The following EPG5 variants were observed in gnomAD, a reference collection of about 807,000 sequenced individuals.
The protein encoded by EPG5 is ectopic P granules protein 5 homolog.
Under a neutral mutation model 302.7 loss-of-function variants are expected in EPG5, and 159 were observed. The observed-to-expected ratio is 0.53, with a 90% confidence interval of 0.46 to 0.60. The LOEUF (loss-of-function observed/expected upper bound fraction) is 0.60. Ranked by LOEUF, EPG5 falls within the 20% of genes least tolerant of loss-of-function variation. The pLI is 0.00. For synonymous variants in EPG5, 1,158 were observed against 1,136.8 expected, an observed-to-expected ratio of 1.02 and a Z score of -0.37; for missense variants, 2,896 against 3,092.4, an observed-to-expected ratio of 0.94 and a Z score of 1.51.
chr18:45,884,164 A>G (rs868588248), intron 30 of EPG5, among the ~76,000 whole-genome samples: 4 of 152,164 alleles, frequency 2.6e-5, no homozygotes, highest in African/African-American at 9.7e-5. Flanking sequence ...GTGGAATAAG[A>G]CTACCCTATA....
intron 13 of EPG5, among the ~76,000 whole-genome samples, chr18:45,926,552 C>T (rs1599587159): frequency 1.3e-5 from 2 of 152,160 alleles, no homozygotes; most frequent in African/African-American, 4.8e-5. Flanking sequence ...CTGGGCCAGG[C>T]ATGATGGCTC....
chr18:45,845,093 G>A (rs1326894208), downstream of EPG5, among the ~76,000 whole-genome samples: 1 of 152,196 alleles, frequency 6.6e-6, no homozygotes, highest in Non-Finnish European at 1.5e-5. Context: ...GACTCCAGGT[G>A]ATTCTTAAGC....
chr18:45,937,233 T>C (rs866470598), intron 10 of EPG5, among the ~76,000 whole-genome samples: 43 of 76,318 alleles, frequency 5.6e-4, no homozygotes, highest in Admixed American at 1.4e-3. Context: ...TATACATATA[T>C]ATACACACAC....
At chr18:45,883,643 T>TTTCAA (rs2049154686) in intron 30 of EPG5, among the ~76,000 whole-genome samples, 1 of 121,922 alleles carries the variant, frequency 8.2e-6, no homozygotes, top group South Asian at 2.6e-4. Flanking sequence ...TTTTTTTTTG[T>TTTCAA]ACAGACAGGG....
At position 45,934,868 on chromosome 18, in the gene EPG5, T is replaced by C; in HGVS notation, c.2198A>G (p.Glu733Gly). 6.2e-7 allele frequency: 1 copy of C among 1,614,216 alleles called. No individual in the cohort carries two copies. Among genetic ancestry groups the C allele is most frequent in the Non-Finnish European group, 8.5e-7 (1 of 1,180,034 alleles). Reference sequence around the variant, plus strand: ...GGAGGAGGAGAGCTGCTGCAGGTTCTCGCTCTCCACCTGGTGCATGAGGTA... The same window carrying C: ...GGAGGAGGAGAGCTGCTGCAGGTTCCCGCTCTCCACCTGGTGCATGAGGTA... ...LFYLMHQVES[E>G]NLQQLSSSLQ... The change falls in exon 11 of 44, where the codon GAG (glutamate) becomes GGG (glycine). Residue 733 changes from glutamate to glycine, a missense_variant. This residue lies in a region of EPG5 where 1,390 missense variants were observed against 1,430.0 expected (regional missense o/e 0.97). Transcript: ENST00000282041.
chr18:45,948,647 A>G, intron 5 of EPG5, 71 bp from the exon 6 acceptor site: 1 of 1,281,248 alleles, frequency 7.8e-7, no homozygotes. Flanking sequence ...TTGGTTCACA[A>G]GCATTCTGAC....
At chr18:45,964,085 T>C (rs1201497193) in intron 1 of EPG5, among the ~76,000 whole-genome samples, 6 of 152,222 alleles carry the variant, frequency 3.9e-5, no homozygotes, top group Admixed American at 3.9e-4. Context: ...AAAAAATTAA[T>C]GTATGTTTGT....
At chr18:45,947,635 G>A (rs1257928845) in intron 6 of EPG5, among the ~76,000 whole-genome samples, 6 of 151,968 alleles carry the variant, frequency 3.9e-5, no homozygotes, top group African/African-American at 4.8e-5. Context: ...ACCAGCTCCC[G>A]CACACACCTT....
chr18:45,837,186 A>G, the EPG5 span: 1 of 1,545,532 alleles, frequency 6.5e-7, no homozygotes, highest in South Asian at 1.2e-5. Flanking sequence ...TTTGATGGGG[A>G]AAAACTAAGG....
chr18:45,920,970 T>TA (rs2145747974), intron 16 of EPG5, among the ~76,000 whole-genome samples: 1 of 152,294 alleles, frequency 6.6e-6, no homozygotes, highest in South Asian at 2.1e-4. Context: ...TAGAGATACT[T>TA]AGAGAACTGG....
chr18:45,836,056 C>A, the EPG5 span, among the ~76,000 whole-genome samples: 2 of 152,294 alleles, frequency 1.3e-5, no homozygotes, highest in East Asian at 3.9e-4. Context: ...AATGTCCCGA[C>A]CTGTGATTAT....
chr18:45,849,904 G>A lies in EPG5; in HGVS notation c.*2563C>T, dbSNP rs750173572. On this transcript the variant is annotated 3_prime_UTR_variant, in exon 44 of 44. Coordinates refer to ENST00000282041, the MANE Select transcript of EPG5 (RefSeq NM_020964.3). ...ACAGTTGTGTAGACACATCTGGCAGGACCTCCCTCCCTCTATGTCTGGTGT... is the reference window on the plus strand; with the variant it reads ...ACAGTTGTGTAGACACATCTGGCAGAACCTCCCTCCCTCTATGTCTGGTGT... 2 of 152,204 alleles carry A rather than the reference G, an allele frequency of 1.3e-5. No homozygotes were observed. The highest frequency in any genetic ancestry group is 2.9e-5 in the Non-Finnish European group (2 of 68,046). The allele number at this position is 152,204 out of a possible 1,614,324, so 9.4% of individuals were successfully genotyped here. A position where few individuals can be genotyped will look rare whatever the true frequency, so the allele number is the denominator to read the frequency against.
At chr18:45,937,570 C>T (rs2050567741) in intron 10 of EPG5, among the ~76,000 whole-genome samples, 1 of 151,966 alleles carries the variant, frequency 6.6e-6, no homozygotes, top group African/African-American at 2.4e-5. Flanking sequence ...CCACGCCCAG[C>T]TAATTTTTGT....
At chr18:45,910,796 G>A in intron 22 of EPG5, 54 bp from the exon 23 acceptor site, 1 of 1,441,358 alleles carries the variant, frequency 6.9e-7, no homozygotes, top group Non-Finnish European at 9.6e-7. Context: ...TGTACTTTCT[G>A]TATGGCATAA....
chr18:45,964,845 C>T (rs1450951270), intron 1 of EPG5, among the ~76,000 whole-genome samples: 1 of 151,982 alleles, frequency 6.6e-6, no homozygotes, highest in Non-Finnish European at 1.5e-5. Flanking sequence ...CCCAGCTACT[C>T]GGGAGGCTGA....
chr18:45,864,677 G>A (rs1309561612), intron 39 of EPG5, among the ~76,000 whole-genome samples: 2 of 152,128 alleles, frequency 1.3e-5, no homozygotes, highest in Admixed American at 6.5e-5. Context: ...AGGAGCTATG[G>A]TTGCTTTTTG....
chr18:45,949,034 A>C (rs1196211435), intron 5 of EPG5, among the ~76,000 whole-genome samples: 8 of 152,158 alleles, frequency 5.3e-5, no homozygotes, highest in Non-Finnish European at 1.2e-4. Context: ...GAATCTAAAA[A>C]CCACATAGTC....
downstream of EPG5, among the ~76,000 whole-genome samples, chr18:45,846,348 C>T (rs549453462): frequency 1.1e-4 from 16 of 151,858 alleles, no homozygotes; most frequent in African/African-American, 3.9e-4. Flanking sequence ...AGGCGAAACC[C>T]CGCCTCTACT....
At chr18:45,874,006 G>A (rs2048921434) in intron 35 of EPG5, among the ~76,000 whole-genome samples, 2 of 152,204 alleles carry the variant, frequency 1.3e-5, no homozygotes, top group Admixed American at 1.3e-4. Flanking sequence ...GGGGTTGAGG[G>A]GAGGGAGAGA....
Sources: allele counts gnomAD v4.1 joint callset (sites outside exome capture counted in the v4.1 genomes callset), GRCh38; gene constraint gnomAD v4.1.1; regional missense constraint gnomAD v4.1.1; transcripts MANE v1.5; gene names NCBI Gene and HGNC (gene_info 2026-07-23, HGNC 2026-07-21).